Variants in KCNMA1 observed in about 807,000 individuals in gnomAD.
KCNMA1 encodes Calcium-activated potassium channel subunit alpha-1.
KCNMA1 carries 29 observed loss-of-function variants against 140.0 expected under a neutral mutation model. That is an observed-to-expected ratio of 0.21 (90% confidence interval 0.15 to 0.28). The LOEUF (loss-of-function observed/expected upper bound fraction) is 0.28, where lower values mean the gene tolerates loss of function less well. Ranked by LOEUF, KCNMA1 falls within the 10% of genes least tolerant of loss-of-function variation. The pLI, the probability that KCNMA1 is intolerant of heterozygous loss-of-function variation, is 1.00. For synonymous variants in KCNMA1, 612 were observed against 611.9 expected, an observed-to-expected ratio of 1.00 and a Z score of 0.00; for missense variants, 880 against 1,602.2, an observed-to-expected ratio of 0.55 and a Z score of 7.70.
At chr10:77,253,008 T>C (rs768503021) in intron 2 of KCNMA1, among the ~76,000 whole-genome samples, 7 of 152,208 alleles carry the variant, frequency 4.6e-5, no homozygotes, top group Non-Finnish European at 8.8e-5. Flanking sequence ...TTCATTCATA[T>C]GTTCCTTTCA....
intron 1 of KCNMA1, among the ~76,000 whole-genome samples, chr10:77,463,655 T>C (rs1423086438): frequency 6.6e-6 from 1 of 152,146 alleles, no homozygotes; most frequent in Non-Finnish European, 1.5e-5. Flanking sequence ...ACAGGGACTG[T>C]GAGCCCAGAG....
At chr10:77,566,618 G>A (rs1046182369) in intron 1 of KCNMA1, among the ~76,000 whole-genome samples, 2 of 152,190 alleles carry the variant, frequency 1.3e-5, no homozygotes, top group Non-Finnish European at 2.9e-5. Context: ...CCCTTCCTGG[G>A]TAGAATTCCA....
At chr10:76,914,706 A>T in intron 24 of KCNMA1, 1 of 464,016 alleles carries the variant, frequency 2.2e-6, no homozygotes, top group Non-Finnish European at 4.0e-6. Flanking sequence ...CTTTGAAAAC[A>T]GTGACCAGCA....
At chr10:77,080,133 C>G (rs562659920) in intron 12 of KCNMA1, among the ~76,000 whole-genome samples, 10 of 152,210 alleles carry the variant, frequency 6.6e-5, no homozygotes, top group African/African-American at 9.7e-5. Flanking sequence ...GCTCAAAGAA[C>G]TTGCTTCTAT....
intron 20 of KCNMA1, among the ~76,000 whole-genome samples, chr10:76,968,307 A>C (rs902669001): frequency 6.6e-6 from 1 of 152,176 alleles, no homozygotes; most frequent in Non-Finnish European, 1.5e-5. Flanking sequence ...CCCAAGAGCC[A>C]ACAGAATAAA....
In KCNMA1 at chr10:76,949,544, C is replaced by T. The variant is rs1907715; in HGVS notation, c.2485-178G>A. ...GCCATATAGAGCTATAATTTGAGCA[C>T]GTGTATATGTATTATATTTTTGTAA... On this transcript the variant is annotated intron_variant, in intron 21 of 27. Transcript: ENST00000286628. The T allele has an allele frequency of 0.78, 502,519 of 647,982 alleles. 196,342 individuals are homozygous for T. The highest frequency in any genetic ancestry group is 0.97 in the East Asian group (35,468 of 36,704). The allele number at this position is 647,982 out of a possible 1,614,324, so 40.1% of individuals were successfully genotyped here.
intron 1 of KCNMA1, among the ~76,000 whole-genome samples, chr10:77,454,997 G>A (rs867891002): frequency 6.6e-6 from 1 of 152,064 alleles, no homozygotes; most frequent in South Asian, 2.1e-4. Context: ...CTCCACCACA[G>A]GTACCTTGTG....
chr10:77,502,486 AT>A (rs924828306), intron 1 of KCNMA1, among the ~76,000 whole-genome samples: 1 of 151,894 alleles, frequency 6.6e-6, no homozygotes, highest in Non-Finnish European at 1.5e-5. Flanking sequence ...TCATCTTACC[AT>A]CCCCTTTTCC....
chr10:77,232,008 C>A (rs78608389), intron 3 of KCNMA1, among the ~76,000 whole-genome samples: 1 of 152,214 alleles, frequency 6.6e-6, no homozygotes, highest in Admixed American at 6.5e-5. Context: ...CTATTCTTGA[C>A]ATTTTACACA....
intron 2 of KCNMA1, among the ~76,000 whole-genome samples, chr10:77,367,525 A>G (rs1603429482): frequency 6.6e-6 from 1 of 152,208 alleles, no homozygotes; most frequent in East Asian, 1.9e-4. Context: ...AACCTCTTGA[A>G]TAAGAATCTG....
At chr10:77,309,593 C>A (rs939342047) in intron 2 of KCNMA1, 1 of 152,214 alleles carries the variant, frequency 6.6e-6, no homozygotes, top group Non-Finnish European at 1.5e-5. Context: ...ACCTGGCTGG[C>A]TTCACTTTTC....
At chr10:76,903,820 G>T (rs948345478) in intron 25 of KCNMA1, 1 of 152,142 alleles carries the variant, frequency 6.6e-6, no homozygotes, top group African/African-American at 2.4e-5. Context: ...ATTCCAGACG[G>T]TCACACCCTC....
intron 1 of KCNMA1, among the ~76,000 whole-genome samples, chr10:77,481,646 G>A (rs182959293): frequency 6.6e-6 from 1 of 151,916 alleles, no homozygotes; most frequent in East Asian, 1.9e-4. Flanking sequence ...ATGGTGGCAG[G>A]CCCCTGTAGT....
intron 15 of KCNMA1, among the ~76,000 whole-genome samples, chr10:77,030,675 T>C (rs2093868413): frequency 1.3e-5 from 2 of 152,176 alleles, no homozygotes; most frequent in African/African-American, 2.4e-5. Flanking sequence ...TACAGTACCA[T>C]CTACCAACTG....
intron 18 of KCNMA1, among the ~76,000 whole-genome samples, chr10:77,010,912 A>G (rs1254360972): frequency 6.6e-6 from 1 of 152,030 alleles, no homozygotes; most frequent in Non-Finnish European, 1.5e-5. Flanking sequence ...AAAAAATGTT[A>G]GAGCACCCAG....
At chr10:77,276,042 A>G (rs1237836484) in intron 2 of KCNMA1, among the ~76,000 whole-genome samples, 2 of 152,094 alleles carry the variant, frequency 1.3e-5, no homozygotes, top group African/African-American at 2.4e-5. Context: ...CCACCTCTCC[A>G]CATTCACAGG....
intron 2 of KCNMA1, among the ~76,000 whole-genome samples, chr10:77,253,969 C>A (rs67386032): frequency 0.18 from 27,794 of 152,062 alleles, 2,802 homozygotes; most frequent in Middle Eastern, 0.23. Flanking sequence ...CCATCAGAGA[C>A]TTGTCTTCTC....
At chr10:77,068,804 A>G (rs1349695659) in intron 14 of KCNMA1, among the ~76,000 whole-genome samples, 1 of 142,532 alleles carries the variant, frequency 7.0e-6, no homozygotes, top group African/African-American at 2.6e-5. Flanking sequence ...CTACATTGGA[A>G]GTCCCAATGT....
rs149481218 is a variant in KCNMA1, at chr10:77,355,403, C to T, written c.540+48459G>A. Among the ~76,000 whole-genome samples, 319 of 152,224 alleles carry T rather than the reference C, an allele frequency of 2.1e-3. 1 individual carries two copies. Among genetic ancestry groups the T allele is most frequent in the African/African-American group, 7.1e-3 (296 of 41,536 alleles). ...TCAACTTTATCAATGTTCTCTGTTCCGTGGCAGCAGTGATGGGTTCAGGGA... is the reference window on the plus strand; with the variant it reads ...TCAACTTTATCAATGTTCTCTGTTCTGTGGCAGCAGTGATGGGTTCAGGGA... On this transcript the variant is annotated intron_variant, in intron 2 of 27. Coordinates refer to ENST00000286628, the MANE Select transcript of KCNMA1 (RefSeq NM_001161352.2).
Sources: allele counts gnomAD v4.1 joint callset (sites outside exome capture counted in the v4.1 genomes callset), GRCh38; gene constraint gnomAD v4.1.1; transcripts MANE v1.5; gene names NCBI Gene and HGNC (gene_info 2026-07-23, HGNC 2026-07-21).